SCTR: variants seen among roughly 807,000 people sequenced by gnomAD.
SCTR encodes the protein secretin receptor, also known as pancreatic secretin receptor.
In SCTR, 56 loss-of-function variants were observed where a neutral mutation model predicts 60.8. That is an observed-to-expected ratio of 0.92 (90% CI 0.74 to 1.15). SCTR has a LOEUF of 1.15. SCTR is among the 50% of genes most tolerant of loss of function. The pLI, the probability that SCTR is intolerant of heterozygous loss-of-function variation, is 0.00. For synonymous variants in SCTR, 202 were observed against 217.0 expected (o/e 0.93, Z 0.61); for missense variants, 562 against 550.4 (o/e 1.02, Z -0.21).
intron 1 of SCTR, among the ~76,000 whole-genome samples, chr2:119,496,572 G>GGAA (rs1180228967): frequency 6.6e-6 from 1 of 152,180 alleles, no homozygotes; most frequent in African/African-American, 2.4e-5. Flanking sequence ...TCTGAAAAGT[G>GGAA]GAAGAAGAAG....
At chr2:119,513,981 A>C (rs1679035349) in intron 1 of SCTR, among the ~76,000 whole-genome samples, 1 of 152,232 alleles carries the variant, frequency 6.6e-6, no homozygotes. Context: ...GAAGTGCTTA[A>C]GTTGTAAACT....
chr2:119,466,663 A>T (rs1231689552), intron 4 of SCTR, among the ~76,000 whole-genome samples: 1 of 152,246 alleles, frequency 6.6e-6, no homozygotes, highest in Non-Finnish European at 1.5e-5. Flanking sequence ...AGGTAGGAGG[A>T]TCACTCCAGC....
intron 7 of SCTR, among the ~76,000 whole-genome samples, chr2:119,456,987 C>T (rs1027221945): frequency 6.6e-6 from 1 of 152,180 alleles, no homozygotes; most frequent in African/African-American, 2.4e-5. Context: ...CCAAAAGAAA[C>T]CAACCCTGCC....
chr2:119,507,568 A>G (rs555696756), intron 1 of SCTR, among the ~76,000 whole-genome samples: 56 of 149,592 alleles, frequency 3.7e-4, no homozygotes, highest in Admixed American at 1.7e-3. Flanking sequence ...GAAAGAAATT[A>G]TTTCTTTAAA....
intron 4 of SCTR, 115 bp from the exon 5 acceptor site, chr2:119,466,001 T>G: frequency 2.9e-6 from 2 of 685,566 alleles, no homozygotes; most frequent in Non-Finnish European, 2.7e-6. Flanking sequence ...ATTCTGTCCA[T>G]ACCTCAAGGA....
chr2:119,488,652 G>T (rs1216460309), intron 2 of SCTR, among the ~76,000 whole-genome samples: 2 of 152,204 alleles, frequency 1.3e-5, no homozygotes, highest in Admixed American at 6.5e-5. Flanking sequence ...CGCAGAAGAG[G>T]CGCCACCCAC....
chr2:119,511,579 C>T (rs948596672), intron 1 of SCTR, among the ~76,000 whole-genome samples: 1 of 152,180 alleles, frequency 6.6e-6, no homozygotes, highest in African/African-American at 2.4e-5. Flanking sequence ...TGTTACACAT[C>T]TATCCACAGT....
intron 1 of SCTR, among the ~76,000 whole-genome samples, chr2:119,497,052 T>C (rs1317032391): frequency 6.6e-6 from 1 of 152,220 alleles, no homozygotes; most frequent in Non-Finnish European, 1.5e-5. Context: ...GAAACTAGAC[T>C]ACTACCCTAG....
At position 119,524,281 on chromosome 2, in the gene SCTR, C is replaced by G; in HGVS notation, c.-55G>C. 8.3e-7 allele frequency: 1 copy of G among 1,211,488 alleles called. No homozygotes were observed. The highest frequency in any genetic ancestry group is 1.1e-6 in the Non-Finnish European group (1 of 923,788). 75.0% of individuals were successfully genotyped at this position (1,211,488 alleles called of 1,614,324 possible). ...GACGTCCGCCTGCCCGTGCCCTCTG[C>G]CCGCTCGGGAGCTCAGCGCCCCGCG... is the stretch of plus-strand genomic sequence containing the variant. On this transcript the variant is annotated 5_prime_UTR_variant, in exon 1 of 13. Coordinates refer to ENST00000019103, the MANE Select transcript of SCTR (RefSeq NM_002980.3).
intron 3 of SCTR, among the ~76,000 whole-genome samples, chr2:119,473,907 C>T (rs2587704): frequency 0.87 from 131,771 of 152,120 alleles, 57,158 homozygotes; most frequent in African/African-American, 0.9. Flanking sequence ...CCCATCATGA[C>T]TTTTTCTCAG....
At chr2:119,472,394 T>C (rs2579637) in intron 4 of SCTR, among the ~76,000 whole-genome samples, 105,208 of 152,100 alleles carry the variant, frequency 0.69, 39,571 homozygotes, top group East Asian at 0.87. Context: ...AAGGCCCAGG[T>C]GGGAGGCAGG....
intron 2 of SCTR, chr2:119,479,893 A>C (rs774268471): frequency 1.3e-5 from 2 of 152,228 alleles, no homozygotes; most frequent in Non-Finnish European, 2.9e-5. Flanking sequence ...TTTTAAGATG[A>C]ATAAAAAAAA....
chr2:119,448,355 C>T (rs1358270508), intron 10 of SCTR, among the ~76,000 whole-genome samples: 1 of 152,216 alleles, frequency 6.6e-6, no homozygotes, highest in East Asian at 1.9e-4. Context: ...AGGTCATCCT[C>T]CTCTGAAAAT....
chr2:119,520,584 G>A (rs990275785), intron 1 of SCTR, among the ~76,000 whole-genome samples: 15 of 152,280 alleles, frequency 9.9e-5, no homozygotes, highest in East Asian at 3.9e-4. Context: ...ATGCATGACC[G>A]GACAGGGCAG....
intron 1 of SCTR, among the ~76,000 whole-genome samples, chr2:119,521,917 A>G (rs1679297995): frequency 6.6e-6 from 1 of 152,222 alleles, no homozygotes; most frequent in African/African-American, 2.4e-5. Flanking sequence ...TAAGGTCTAC[A>G]GAAGCCGTAA....
chr2:119,479,695 C>T (rs1677510419), intron 2 of SCTR: 2 of 152,212 alleles, frequency 1.3e-5, no homozygotes, highest in African/African-American at 4.8e-5. Flanking sequence ...ATGTTGCTTT[C>T]TACATCACTT....
chr2:119,468,259 A>T (rs1443523061), intron 4 of SCTR, among the ~76,000 whole-genome samples: 11 of 152,240 alleles, frequency 7.2e-5, no homozygotes, highest in Non-Finnish European at 1.2e-4. Context: ...AAGGCACAAG[A>T]ATAGAATAGG....
Position 119,494,521 on chromosome 2 carries a change from C to A in SCTR, c.100G>T (p.Val34Leu), listed in dbSNP as rs781278216. 6.2e-7 allele frequency: 1 copy of A among 1,613,944 alleles called. No individual in the cohort carries two copies. Among genetic ancestry groups the A allele is most frequent in the East Asian group, 2.2e-5 (1 of 44,892 alleles). ...TGCTCTTCCCACAGCACTTGTAGCA[C>A]GTCACATAGTCGGGGAAGGGCTCCA... The part of the protein sequence containing the change: ...STGALPRLCD[V>L]LQVLWEEQDQ... The change falls in exon 2 of 13, where the codon GTG becomes TTG. Residue 34 changes from valine (V) to leucine (L), a missense_variant. Physicochemically the swap from Val to Leu is conservative, Grantham distance 32. Transcript: ENST00000019103.
At chr2:119,518,639 T>C (rs1291809072) in intron 1 of SCTR, among the ~76,000 whole-genome samples, 1 of 152,134 alleles carries the variant, frequency 6.6e-6, no homozygotes, top group African/African-American at 2.4e-5. Flanking sequence ...AGCAAGTAGA[T>C]AGCATCTGAG....
Sources: gnomAD v4.1 joint callset for allele counts (sites outside exome capture counted in the v4.1 genomes callset) on GRCh38, gnomAD v4.1.1 for gene constraint, MANE v1.5 for transcripts, NCBI Gene and HGNC (gene_info 2026-07-23, HGNC 2026-07-21) for gene names.